The following MDN1 variants were observed in gnomAD, a reference collection of about 807,000 sequenced individuals.
The protein encoded by MDN1 is midasin AAA ATPase 1, also known as midasin.
A neutral mutation model predicts 669.2 loss-of-function variants in MDN1; 266 were observed. The ratio of observed to expected loss-of-function variants is 0.40; its 90% CI spans 0.36 to 0.44. The LOEUF (loss-of-function observed/expected upper bound fraction) is 0.44. Among genes scored for constraint, MDN1 ranks in the 20% least tolerant of loss-of-function variants. MDN1 has a pLI of 1.00. For synonymous variants in MDN1, 2,385 were observed against 2,457.1 expected (o/e 0.97, Z 0.87); for missense variants, 5,940 against 6,754.0 (o/e 0.88, Z 4.22).
At chr6:89,763,890 T>C (rs1817678376) in intron 15 of MDN1, among the ~76,000 whole-genome samples, 1 of 152,178 alleles carries the variant, frequency 6.6e-6, no homozygotes, top group Admixed American at 6.5e-5. Context: ...TACATTAGTA[T>C]AGGCATTTCT....
intron 55 of MDN1, among the ~76,000 whole-genome samples, chr6:89,701,335 A>G (rs1333620861): frequency 6.6e-6 from 1 of 152,236 alleles, no homozygotes; most frequent in East Asian, 1.9e-4. Context: ...CATAGGTTAT[A>G]TACACACACA....
chr6:89,673,243 G>A lies in MDN1; in HGVS notation c.13467C>T (p.Ser4489=). 6 of 1,612,052 alleles carry A rather than the reference G, an allele frequency of 3.7e-6. No homozygotes were observed. The highest frequency in any genetic ancestry group is 5.1e-6 in the Non-Finnish European group (6 of 1,178,128). Residue 4489 remains serine (S), a synonymous_variant, in exon 80 of 102, where the codon AGC becomes AGT. Transcript: ENST00000369393. ...TWKTHLLTSD[S]QGGNQMLDEG... The stretch of plus-strand genomic sequence containing the variant: ...CTGAACAATATTCCTTACCTCCTTG[G>A]CTATCTGAAGTAAGCAGATGGGTCT...
chr6:89,749,834 A>G (rs1816856600), intron 24 of MDN1, 83 bp from the exon 25 acceptor site: 14 of 1,109,666 alleles, frequency 1.3e-5, no homozygotes, highest in Non-Finnish European at 1.7e-5. Flanking sequence ...AACAAATCCT[A>G]GGTTATCATC....
In MDN1 at chr6:89,664,489, T is replaced by C; in HGVS notation, c.14234A>G (p.Gln4745Arg). Residue 4745 changes from glutamine (Q) to arginine (R), a missense_variant and splice_region_variant, in exon 85 of 102, where the codon CAA becomes CGA. By Grantham distance (43) the Gln-to-Arg change is conservative. Transcript: ENST00000369393. ...TGAAGTGACAGATAATCTGAAACCT[T>C]GTTCTTCAAGCTCCCCATCATGCAT... ...GKMHDGELEE[Q>R]EEDDEKSDSE... The C allele has an allele frequency of 1.9e-6, 3 of 1,613,626 alleles. No homozygotes were observed. The highest frequency in any genetic ancestry group is 2.5e-6 in the Non-Finnish European group (3 of 1,179,910).
At chr6:89,651,043 G>T (rs1808818687) in intron 95 of MDN1, among the ~76,000 whole-genome samples, 196 bp from the exon 96 acceptor site, 1 of 152,062 alleles carries the variant, frequency 6.6e-6, no homozygotes, top group Non-Finnish European at 1.5e-5. Context: ...AGCTGAGGGT[G>T]GTGGCTAATG....
intron 15 of MDN1, among the ~76,000 whole-genome samples, chr6:89,765,900 T>C (rs977648004): frequency 2.0e-5 from 3 of 152,236 alleles, no homozygotes; most frequent in African/African-American, 7.2e-5. Context: ...AGAGAGTTAA[T>C]AGATAATTAA....
intron 85 of MDN1, among the ~76,000 whole-genome samples, chr6:89,663,789 AG>A (rs1809981675): frequency 6.6e-6 from 1 of 151,798 alleles, no homozygotes; most frequent in African/African-American, 2.4e-5. Flanking sequence ...AAAAAAAAAA[AG>A]AATCAGCTGG....
At chr6:89,790,718 A>T (rs1174438442) in intron 5 of MDN1, among the ~76,000 whole-genome samples, 1 of 152,056 alleles carries the variant, frequency 6.6e-6, no homozygotes, top group Non-Finnish European at 1.5e-5. Flanking sequence ...AAATAAATAA[A>T]TTTTTAAAAA....
chr6:89,815,433 C>T (rs543243849), intron 1 of MDN1: 6 of 353,008 alleles, frequency 1.7e-5, no homozygotes, highest in African/African-American at 8.7e-5. Context: ...ACCAAGGCTT[C>T]GTACCCCAGA....
rs746207781 is a variant in MDN1, at chr6:89,702,075, C to A, written c.8149-14G>T. ...AGAACCTAAGATCTAAAAACAAAGTCTCTTAGATAAGATGGCATGAAGAAA... is the reference window on the plus strand; with the variant it reads ...AGAACCTAAGATCTAAAAACAAAGTATCTTAGATAAGATGGCATGAAGAAA... On this transcript the variant is annotated splice_polypyrimidine_tract_variant and intron_variant, in intron 53 of 101. Transcript: ENST00000369393. 6.4e-7 allele frequency: 1 copy of A among 1,573,202 alleles called. No homozygotes were observed. The highest frequency in any genetic ancestry group is 8.6e-7 in the Non-Finnish European group (1 of 1,162,404).
Position 89,668,214 on chromosome 6 carries a change from A to T in MDN1, c.13957-63T>A, listed in dbSNP as rs1584132238. 5 of 1,590,556 alleles carry T rather than the reference A, an allele frequency of 3.1e-6. No homozygotes were observed. In the East Asian group the frequency reaches 1.1e-4, roughly 36 times the overall value. Reference sequence around the variant, plus strand: ...AAAAGCAATTTTAAAAGGAGATTTCATTCTTGCCACAGGAAAACAATTTAA... The same window carrying T: ...AAAAGCAATTTTAAAAGGAGATTTCTTTCTTGCCACAGGAAAACAATTTAA... On this transcript the variant is annotated intron_variant, in intron 83 of 101. Coordinates refer to ENST00000369393, the MANE Select transcript of MDN1 (RefSeq NM_014611.3).
Position 89,696,523 on chromosome 6 carries a change from A to C in MDN1, c.9220T>G (p.Leu3074Val), listed in dbSNP as rs765699060. The change falls in exon 60 of 102, where the codon TTA becomes GTA. Residue 3074 changes from leucine (L) to valine (V), a missense_variant. Leu to Val is a conservative substitution (Grantham distance 32). Transcript: ENST00000369393. ...GGACTTGCTCTCCAGCTGCTGGTTA[A>C]GACTTCAAAGCAGCACTTAGAGAAT... The part of the protein sequence containing the change: ...PIFSKCCFEV[L>V]TSSWRASPWD... 18 of 1,614,244 alleles carry C rather than the reference A, an allele frequency of 1.1e-5. No individual in the cohort carries two copies. Among genetic ancestry groups the C allele is most frequent in the South Asian group, 1.1e-4 (10 of 91,092 alleles).
chr6:89,715,309 A>G (rs571300689), intron 45 of MDN1, among the ~76,000 whole-genome samples: 2 of 152,218 alleles, frequency 1.3e-5, no homozygotes, highest in South Asian at 2.1e-4. Flanking sequence ...CTCAACCCAC[A>G]TGTCCATCAG....
At chr6:89,663,125 C>T (rs1809925504) in intron 85 of MDN1, among the ~76,000 whole-genome samples, 158 bp from the exon 86 acceptor site, 2 of 152,168 alleles carry the variant, frequency 1.3e-5, no homozygotes, top group South Asian at 4.1e-4. Context: ...TTTAGATCTA[C>T]TGACATAGTC....
chr6:89,670,170 A>ATTTTTTTTTTTT lies in MDN1; in HGVS notation c.13956+737_13956+748dup, dbSNP rs766450069. Among the ~76,000 whole-genome samples, 50 of 23,388 alleles carry ATTTTTTTTTTTT rather than the reference A, an allele frequency of 2.1e-3. 2 individuals are homozygous for ATTTTTTTTTTTT. The highest frequency in any genetic ancestry group is 0.062 in the Middle Eastern group (1 of 16). The allele number at this position is 23,388 out of a possible 152,430, so 15.3% of individuals were successfully genotyped here. On this transcript the variant is annotated intron_variant, in intron 83 of 101. Coordinates refer to ENST00000369393, the MANE Select transcript of MDN1 (RefSeq NM_014611.3). ...TATATATATATATATATATATATAT[A>ATTTTTTTTTTTT]TTTTTTTTTTTTTTTTTTTTGAGAT... is the stretch of plus-strand genomic sequence containing the variant.
chr6:89,665,706 CAAAA>C (rs61352567), intron 84 of MDN1, among the ~76,000 whole-genome samples: 7 of 126,248 alleles, frequency 5.5e-5, no homozygotes, highest in African/African-American at 2.0e-4. Flanking sequence ...GACTCCGTTT[CAAAA>C]AAAAAAAAAA....
chr6:89,729,785 C>A (rs978090299), intron 35 of MDN1, among the ~76,000 whole-genome samples: 13 of 146,938 alleles, frequency 8.8e-5, no homozygotes, highest in African/African-American at 3.0e-4. Context: ...CAGTTCTAGG[C>A]CACTAGCATG....
In MDN1 at chr6:89,677,595, T is replaced by A; in HGVS notation, c.12514A>T (p.Ser4172Cys). The change falls in exon 76 of 102, where the codon AGC becomes TGC. Residue 4172 changes from serine (S) to cysteine (C), a missense_variant. By Grantham distance (112) the Ser-to-Cys change is moderately radical. Transcript: ENST00000369393. ...LDLQSALSIV[S>C]STQEADSRLL... The stretch of plus-strand genomic sequence containing the variant: ...CTAGAATCAGCCTCCTGAGTGCTGC[T>A]GACGATGGACAATGCGCTCTGGAGA... The A allele has an allele frequency of 6.2e-7, 1 of 1,614,216 alleles. No individual in the cohort carries two copies. The highest frequency in any genetic ancestry group is 1.1e-5 in the South Asian group (1 of 91,090).
At chr6:89,670,170 A>ATATATAT (rs1444537561) in intron 83 of MDN1, among the ~76,000 whole-genome samples, 19 of 23,404 alleles carry the variant, frequency 8.1e-4, no homozygotes, top group African/African-American at 3.3e-3. Context: ...ATATATATAT[A>ATATATAT]TTTTTTTTTT....
Sources: allele counts gnomAD v4.1 joint callset (sites outside exome capture counted in the v4.1 genomes callset), GRCh38; gene constraint gnomAD v4.1.1; transcripts MANE v1.5; gene names NCBI Gene and HGNC (gene_info 2026-07-23, HGNC 2026-07-21).